The following NKX2-6 variants were observed in gnomAD, a reference collection of about 807,000 sequenced individuals.
The protein encoded by NKX2-6 is homeobox protein Nkx-2.6.
A neutral mutation model predicts 8.6 loss-of-function variants in NKX2-6; 8 were observed. That is an observed-to-expected ratio of 0.93 (90% CI 0.54 to 1.67). The LOEUF (loss-of-function observed/expected upper bound fraction) is 1.67. Ranked by LOEUF, NKX2-6 falls within the 40% of genes most tolerant of loss-of-function variation. The pLI is 0.00. For missense variants in NKX2-6, 475 were observed against 423.1 expected (o/e 1.12, Z -1.08); for synonymous variants, 210 against 199.3 (o/e 1.05, Z -0.45).
At chr8:23,705,501 C>A (rs1801076215) in intron 1 of NKX2-6, among the ~76,000 whole-genome samples, 1 of 152,174 alleles carries the variant, frequency 6.6e-6, no homozygotes, top group African/African-American at 2.4e-5. Flanking sequence ...AATATCGGGC[C>A]TCTCCAGCTG....
At position 23,704,176 on chromosome 8, in the gene NKX2-6, G is replaced by A. The variant is rs551065449; in HGVS notation, c.275-1094C>T. Among the ~76,000 whole-genome samples the A allele has an allele frequency of 7.2e-5, 11 of 152,286 alleles. No individual in the cohort carries two copies. The South Asian group carries it at 2.3e-3, about 32-fold the overall frequency. On this transcript the variant is annotated intron_variant, in intron 1 of 1. Coordinates refer to ENST00000325017, the MANE Select transcript of NKX2-6 (RefSeq NM_001136271.3). ...GTAATCCAAATTAACAATATATGAT[G>A]AAAACAAAATATTTATTGGCTCCTG...
rs777495701 is a variant in NKX2-6, at chr8:23,706,619, G to A, written c.-21C>T. Reference sequence around the variant, plus strand: ...AGCATCCCGAAGGCGGATGGGGCGGGGCCGAGGAGGTCCGGGTGAGGAGCG... The same window carrying A: ...AGCATCCCGAAGGCGGATGGGGCGGAGCCGAGGAGGTCCGGGTGAGGAGCG... On this transcript the variant is annotated 5_prime_UTR_variant, in exon 1 of 2. Transcript: ENST00000325017. 6 of 1,526,484 alleles carry A rather than the reference G, an allele frequency of 3.9e-6. No homozygotes were observed. The South Asian group carries it at 4.8e-5, about 12-fold the overall frequency. The allele number at this position is 1,526,484 out of a possible 1,614,324, so 94.6% of individuals were successfully genotyped here. A position where few individuals can be genotyped will look rare whatever the true frequency, so the allele number is the denominator to read the frequency against.
At chr8:23,703,191 GCTC>G in intron 1 of NKX2-6, 109 bp from the exon 2 acceptor site, 1 of 1,303,180 alleles carries the variant, frequency 7.7e-7, no homozygotes, top group East Asian at 2.7e-5. Context: ...CTCTGCGCAG[GCTC>G]CTCCTCCCTC....
In NKX2-6 at chr8:23,702,831, C is replaced by T; in HGVS notation, c.526G>A (p.Val176Ile). 6.4e-7 allele frequency: 1 copy of T among 1,572,874 alleles called. No homozygotes were observed. Among genetic ancestry groups the T allele is most frequent in the Non-Finnish European group, 8.6e-7 (1 of 1,158,838 alleles). Residue 176 changes from valine to isoleucine, a missense_variant, in exon 2 of 2, where the codon GTC becomes ATC. Physicochemically the swap from Val to Ile is conservative, Grantham distance 29. Coordinates refer to ENST00000325017, the MANE Select transcript of NKX2-6 (RefSeq NM_001136271.3). ...ASALQLTSTQ[V>I]KIWFQNRRYK... ...CGTCGGTTCTGGAACCAGATCTTGA[C>T]CTGCGTGGACGTGAGCTGCAGCGCG...
chr8:23,702,434 A>C lies in NKX2-6; in HGVS notation c.*17T>G. 1 of 1,439,378 alleles carries C rather than the reference A, an allele frequency of 6.9e-7. No homozygotes were observed. Among genetic ancestry groups the C allele is most frequent in the Non-Finnish European group, 9.1e-7 (1 of 1,096,970 alleles). 89.2% of individuals were successfully genotyped at this position (1,439,378 alleles called of 1,614,324 possible). On this transcript the variant is annotated 3_prime_UTR_variant, in exon 2 of 2. Transcript: ENST00000325017. ...ACGAGCATCTGGCCCTGGTTGGCAG[A>C]GTCAAGCCGAGGAGCCTCACCAGGC...
intron 1 of NKX2-6, among the ~76,000 whole-genome samples, chr8:23,703,490 A>T (rs1422049721): frequency 1.3e-5 from 2 of 152,042 alleles, no homozygotes; most frequent in African/African-American, 4.8e-5. Context: ...AGGTCAGGAG[A>T]TCGAGACCAT....
At position 23,702,685 on chromosome 8, in the gene NKX2-6, C is replaced by T; in HGVS notation, c.672G>A (p.Gly224=). The T allele has an allele frequency of 6.4e-7, 1 of 1,550,896 alleles. No homozygotes were observed. The highest frequency in any genetic ancestry group is 8.7e-7 in the Non-Finnish European group (1 of 1,146,602). The stretch of plus-strand genomic sequence containing the variant: ...GGCTGGGGAAGGCAGGTGCGCCGGG[C>T]CCGGGGCCCAGGCAGGGCTTGCCAT... ...VRDGKPCLGP[G]PGAPAFPSPY... is the part of the protein sequence containing the mutation. The change falls in exon 2 of 2, where the codon GGG becomes GGA. Residue 224 remains glycine (G), a synonymous_variant. Coordinates refer to ENST00000325017, the MANE Select transcript of NKX2-6 (RefSeq NM_001136271.3).
At chr8:23,706,246 ATTT>A in intron 1 of NKX2-6, 76 bp downstream of exon 1, 1 of 1,379,960 alleles carries the variant, frequency 7.2e-7, no homozygotes. Flanking sequence ...TAGGAGGCGT[ATTT>A]TCCCCATGCA....
At position 23,706,659 on chromosome 8, in the gene NKX2-6, C is replaced by T. The variant is rs553109670; in HGVS notation, c.-61G>A. 5.5e-6 allele frequency: 8 copies of T among 1,466,314 alleles called. No individual in the cohort carries two copies. The East Asian group carries it at 1.7e-4, about 32-fold the overall frequency. The allele number at this position is 1,466,314 out of a possible 1,614,324, so 90.8% of individuals were successfully genotyped here. ...GGTGAGGAGCGGCACCCTGAACTTC[C>T]CGTCTTGTCGCTGCAGGCCCCGCAG... On this transcript the variant is annotated 5_prime_UTR_variant, in exon 1 of 2. Transcript: ENST00000325017.
In NKX2-6 at chr8:23,702,517, G is replaced by T; in HGVS notation, c.840C>A (p.His280Gln). The T allele has an allele frequency of 1.3e-6, 2 of 1,533,446 alleles. No homozygotes were observed. The highest frequency in any genetic ancestry group is 8.8e-7 in the Non-Finnish European group (1 of 1,139,918). 95.0% of individuals were successfully genotyped at this position (1,533,446 alleles called of 1,614,324 possible). ...HTPLASAGFG[H>Q]GGQNATPQGH... ...CCTGCGGGGTGGCATTCTGGCCACC[G>T]TGTCCGAAGCCCGCGCTGGCCAGTG... Residue 280 changes from histidine to glutamine, a missense_variant, in exon 2 of 2, where the codon CAC becomes CAA. By Grantham distance (24) the His-to-Gln change is conservative (BLOSUM62 0). Transcript: ENST00000325017.
chr8:23,703,146 A>G, intron 1 of NKX2-6, 64 bp from the exon 2 acceptor site: 1 of 1,484,800 alleles, frequency 6.7e-7, no homozygotes, highest in Non-Finnish European at 8.9e-7. Context: ...GTTCCTACTT[A>G]GTTTTCAAGA....
At position 23,702,635 on chromosome 8, in the gene NKX2-6, T is replaced by C; in HGVS notation, c.722A>G (p.Tyr241Cys). 1 of 1,549,234 alleles carries C rather than the reference T, an allele frequency of 6.5e-7. No homozygotes were observed. Among genetic ancestry groups the C allele is most frequent in the Non-Finnish European group, 8.7e-7 (1 of 1,146,098 alleles). The change falls in exon 2 of 2, where the codon TAC becomes TGC. Residue 241 changes from tyrosine (Y) to cysteine (C), a missense_variant. By Grantham distance (194) the Tyr-to-Cys change is radical. Coordinates refer to ENST00000325017, the MANE Select transcript of NKX2-6 (RefSeq NM_001136271.3). ...TCCGCTGTAGCCTCCGTAGCAAGAG[T>C]AGGGCGACACTGCTGCACTGTAGGG... ...PSPYSAAVSP[Y>C]SCYGGYSGAP...
chr8:23,706,557 C>G lies in NKX2-6; in HGVS notation c.42G>C (p.Lys14Asn), dbSNP rs1474520476. The G allele has an allele frequency of 1.3e-6, 2 of 1,536,320 alleles. No individual in the cohort carries two copies. The highest frequency in any genetic ancestry group is 1.7e-6 in the Non-Finnish European group (2 of 1,146,908). The change falls in exon 1 of 2, where the codon AAG becomes AAC. Residue 14 changes from lysine (K) to asparagine (N), a missense_variant. Physicochemically the swap from Lys to Asn is moderately conservative, Grantham distance 94. Coordinates refer to ENST00000325017, the MANE Select transcript of NKX2-6 (RefSeq NM_001136271.3). ...SPVTSTPFSV[K>N]DILRLERERS... Reference sequence around the variant, plus strand: ...GCTCGCGCTCCAGTCGCAGGATGTCCTTGACCGAGAAGGGGGTGGAGGTGA... The same window carrying G: ...GCTCGCGCTCCAGTCGCAGGATGTCGTTGACCGAGAAGGGGGTGGAGGTGA...
chr8:23,704,603 A>G (rs1027524344), intron 1 of NKX2-6, among the ~76,000 whole-genome samples: 3 of 152,266 alleles, frequency 2.0e-5, no homozygotes, highest in Non-Finnish European at 2.9e-5. Context: ...AGGCACTGGC[A>G]CAATCTCCTG....
intron 1 of NKX2-6, 139 bp downstream of exon 1, chr8:23,706,185 CT>C: frequency 6.7e-5 from 61 of 913,526 alleles, no homozygotes; most frequent in South Asian, 7.6e-5. Context: ...TTCGAGAGGC[CT>C]TTTTTTGGAC....
chr8:23,702,880 C>A lies in NKX2-6; in HGVS notation c.477G>T (p.Ala159=). Residue 159 remains alanine, a synonymous_variant, in exon 2 of 2, where the codon GCG becomes GCT. Coordinates refer to ENST00000325017, the MANE Select transcript of NKX2-6 (RefSeq NM_001136271.3). ...CGCTGGCCAGGTGCTCGCGCTCGGG[C>A]GCTGACAGGTACCGCTGCTGCTTGA... ...RRFKQQRYLS[A]PEREHLASAL... is the part of the protein sequence containing the mutation. 6.4e-7 allele frequency: 1 copy of A among 1,558,772 alleles called. No homozygotes were observed. Among genetic ancestry groups the A allele is most frequent in the Non-Finnish European group, 8.7e-7 (1 of 1,151,090 alleles).
intron 1 of NKX2-6, 135 bp from the exon 2 acceptor site, chr8:23,703,217 A>C (rs1801037903): frequency 9.4e-7 from 1 of 1,059,346 alleles, no homozygotes; most frequent in Admixed American, 3.0e-5. Context: ...ACTGCCCCCG[A>C]ACCCTGTCCC....
rs1801034588 is a variant in NKX2-6, at chr8:23,703,035, G to A, written c.322C>T (p.Pro108Ser). Residue 108 changes from proline to serine, a missense_variant, in exon 2 of 2, where the codon CCA becomes TCA. By Grantham distance (74) the Pro-to-Ser change is moderately conservative. Transcript: ENST00000325017. Reference protein sequence around the residue: ...ASPLGGGTRVPERGVGNSGDS... With the variant: ...ASPLGGGTRVSERGVGNSGDS... ...CCGCTGTTGCCAACGCCGCGCTCTG[G>A]CACCCTGGTCCCGCCGCCGAGGGGC... The A allele has an allele frequency of 4.5e-6, 7 of 1,540,682 alleles. No individual in the cohort carries two copies. Among genetic ancestry groups the A allele is most frequent in the South Asian group, 2.4e-5 (2 of 83,922 alleles).
At chr8:23,703,730 A>G (rs1210225840) in intron 1 of NKX2-6, among the ~76,000 whole-genome samples, 2 of 151,798 alleles carry the variant, frequency 1.3e-5, no homozygotes, top group Non-Finnish European at 2.9e-5. Flanking sequence ...ACAAACAAAA[A>G]AAAAACTGTG....
Sources: allele counts gnomAD v4.1 joint callset (sites outside exome capture counted in the v4.1 genomes callset), GRCh38; gene constraint gnomAD v4.1.1; transcripts MANE v1.5; gene names NCBI Gene and HGNC (gene_info 2026-07-23, HGNC 2026-07-21).